KCNJ3: variants seen among roughly 807,000 people sequenced by gnomAD.
The protein encoded by KCNJ3 is G protein-activated inward rectifier potassium channel 1.
In KCNJ3, 4 loss-of-function variants were observed where a neutral mutation model predicts 39.2. That is an observed-to-expected ratio of 0.10 (90% CI 0.05 to 0.23). KCNJ3 has a LOEUF of 0.23. Ranked by LOEUF, KCNJ3 falls within the 10% of genes least tolerant of loss-of-function variation. KCNJ3 has a pLI of 1.00. For missense variants in KCNJ3, 276 were observed against 634.9 expected (o/e 0.43, Z 6.08); for synonymous variants, 230 against 237.4 (o/e 0.97, Z 0.29).
intron 2 of KCNJ3, among the ~76,000 whole-genome samples, chr2:154,810,299 G>A (rs1011457310): frequency 1.3e-5 from 2 of 152,120 alleles, no homozygotes; most frequent in Non-Finnish European, 2.9e-5. Context: ...GTCCAGGCTA[G>A]TCTTGAACTC....
At chr2:154,799,473 G>T (rs748064418) in intron 2 of KCNJ3, among the ~76,000 whole-genome samples, 1 of 152,168 alleles carries the variant, frequency 6.6e-6, no homozygotes, top group Non-Finnish European at 1.5e-5. Context: ...GAGGAAGGAG[G>T]AGGGGTGGTG....
chr2:154,828,933 T>G, intron 2 of KCNJ3, among the ~76,000 whole-genome samples: 1 of 152,184 alleles, frequency 6.6e-6, no homozygotes, highest in South Asian at 2.1e-4. Flanking sequence ...TGTGCTCTTA[T>G]GGTATATAAC....
At chr2:154,851,241 G>GA (rs1045768313) in intron 2 of KCNJ3, among the ~76,000 whole-genome samples, 33 of 149,106 alleles carry the variant, frequency 2.2e-4, no homozygotes, top group Middle Eastern at 3.4e-3. Flanking sequence ...GAGCCCATCT[G>GA]AAAAAAAAAA....
chr2:154,768,866 G>A (rs1574455300), intron 2 of KCNJ3, among the ~76,000 whole-genome samples: 1 of 152,130 alleles, frequency 6.6e-6, no homozygotes, highest in African/African-American at 2.4e-5. Context: ...ATTTCCTTGA[G>A]CAGTGGTTTG....
At chr2:154,791,482 T>C (rs1022337773) in intron 2 of KCNJ3, among the ~76,000 whole-genome samples, 3 of 152,052 alleles carry the variant, frequency 2.0e-5, no homozygotes, top group Non-Finnish European at 2.9e-5. Context: ...AGAGAGGTTA[T>C]AAAACTTGTC....
At chr2:154,722,545 G>A (rs1386187222) in intron 2 of KCNJ3, among the ~76,000 whole-genome samples, 1 of 152,196 alleles carries the variant, frequency 6.6e-6, no homozygotes, top group Non-Finnish European at 1.5e-5. Context: ...GAGTGTGTGT[G>A]AGCTAAGTGT....
intron 2 of KCNJ3, among the ~76,000 whole-genome samples, chr2:154,744,822 T>C (rs1274549353): frequency 6.6e-6 from 1 of 151,938 alleles, no homozygotes; most frequent in African/African-American, 2.4e-5. Context: ...TTTGCTCTTG[T>C]CTTTATTATT....
chr2:154,734,390 A>G (rs16838062), intron 2 of KCNJ3, among the ~76,000 whole-genome samples: 14,204 of 152,276 alleles, frequency 0.093, 709 homozygotes, highest in African/African-American at 0.11. Flanking sequence ...CTCCATGGTT[A>G]GAATCTGAGA....
intron 2 of KCNJ3, among the ~76,000 whole-genome samples, chr2:154,729,185 A>G (rs1685411755): frequency 6.6e-6 from 1 of 152,188 alleles, no homozygotes; most frequent in African/African-American, 2.4e-5. Context: ...AGTCTTCTTC[A>G]GTTTCAGAAT....
chr2:154,715,819 A>C (rs1040282453), intron 2 of KCNJ3, among the ~76,000 whole-genome samples: 5 of 152,112 alleles, frequency 3.3e-5, no homozygotes, highest in African/African-American at 1.2e-4. Context: ...ACTATATGCT[A>C]GTTTATATAT....
chr2:154,776,951 A>G (rs1439167801), intron 2 of KCNJ3, among the ~76,000 whole-genome samples: 1 of 152,172 alleles, frequency 6.6e-6, no homozygotes, highest in Non-Finnish European at 1.5e-5. Context: ...GACATCACAC[A>G]TACCAGGCAC....
At chr2:154,785,415 C>T (rs1686510333) in intron 2 of KCNJ3, among the ~76,000 whole-genome samples, 1 of 152,144 alleles carries the variant, frequency 6.6e-6, no homozygotes, top group South Asian at 2.1e-4. Flanking sequence ...GCGTGTTTGT[C>T]CCTTCCAAAA....
chr2:154,780,431 A>C (rs1343478887), intron 2 of KCNJ3, among the ~76,000 whole-genome samples: 2 of 152,190 alleles, frequency 1.3e-5, no homozygotes, highest in African/African-American at 4.8e-5. Flanking sequence ...GATAGGATTT[A>C]CATGATGGAT....
intron 2 of KCNJ3, among the ~76,000 whole-genome samples, chr2:154,820,922 C>T (rs1455654854): frequency 6.6e-6 from 1 of 152,148 alleles, no homozygotes; most frequent in Non-Finnish European, 1.5e-5. Flanking sequence ...GGTTGGTGCT[C>T]TAGCTACCTT....
chr2:154,754,715 G>GT (rs1685908505), intron 2 of KCNJ3, among the ~76,000 whole-genome samples: 1 of 152,040 alleles, frequency 6.6e-6, no homozygotes, highest in African/African-American at 2.4e-5. Flanking sequence ...TTCAGTGGAA[G>GT]TTATATATAA....
chr2:154,764,992 C>A (rs943961486), intron 2 of KCNJ3, among the ~76,000 whole-genome samples: 5 of 152,204 alleles, frequency 3.3e-5, no homozygotes, highest in Non-Finnish European at 7.3e-5. Flanking sequence ...TTAAAAACTT[C>A]TACACTTTAG....
At chr2:154,721,362 C>T (rs1280989838) in intron 2 of KCNJ3, among the ~76,000 whole-genome samples, 1 of 152,110 alleles carries the variant, frequency 6.6e-6, no homozygotes, top group Non-Finnish European at 1.5e-5. Flanking sequence ...TTCAGTCTAA[C>T]AAGCTGAATT....
chr2:154,852,620 TA>T (rs990031814), intron 2 of KCNJ3, among the ~76,000 whole-genome samples: 40 of 152,140 alleles, frequency 2.6e-4, no homozygotes, highest in African/African-American at 9.4e-4. Context: ...TTATTCTAGA[TA>T]CTTTTCTTTA....
intron 2 of KCNJ3, among the ~76,000 whole-genome samples, chr2:154,824,112 A>G (rs1687229024): frequency 6.6e-6 from 1 of 152,122 alleles, no homozygotes; most frequent in South Asian, 2.1e-4. Context: ...AGGTGGATGG[A>G]TTGCTTGAGC....
Sources: allele counts gnomAD v4.1 joint callset (sites outside exome capture counted in the v4.1 genomes callset), GRCh38; gene constraint gnomAD v4.1.1; transcripts MANE v1.5; gene names NCBI Gene and HGNC (gene_info 2026-07-23, HGNC 2026-07-21).